The following VPS13D variants were observed in gnomAD, a reference collection of about 807,000 sequenced individuals.
VPS13D encodes the protein vacuolar protein sorting 13 homolog D.
VPS13D carries 187 observed loss-of-function variants against 461.9 expected under a neutral mutation model. The observed-to-expected ratio is 0.40, with a 90% CI of 0.36 to 0.46. The LOEUF (loss-of-function observed/expected upper bound fraction) is 0.46, where lower values mean the gene tolerates loss of function less well. Among genes scored for constraint, VPS13D ranks in the 20% least tolerant of loss-of-function variants. The probability of loss-of-function intolerance (pLI) is 0.60; values close to 1 mark genes in which losing one functional copy is unlikely to be tolerated. For missense variants in VPS13D, 4,711 were observed against 5,364.9 expected, an observed-to-expected ratio of 0.88 and a Z score of 3.81; for synonymous variants, 1,951 against 1,986.3, an observed-to-expected ratio of 0.98 and a Z score of 0.47.
chr1:12,268,676 C>G lies in VPS13D; in HGVS notation c.1802-30C>G, dbSNP rs1385341994. On this transcript the variant is annotated intron_variant, in intron 15 of 69. Coordinates refer to ENST00000620676, the MANE Select transcript of VPS13D (RefSeq NM_015378.4). ...ATAAGGCTATAGTTTTTGCCTTGTTCCGTGTTCTTATTCCTGTTCTTTCCT... is the reference window on the plus strand; with the variant it reads ...ATAAGGCTATAGTTTTTGCCTTGTTGCGTGTTCTTATTCCTGTTCTTTCCT... The G allele has an allele frequency of 6.3e-6, 10 of 1,598,662 alleles. No individual in the cohort carries two copies. The Admixed American group carries it at 1.3e-4, about 20-fold the overall frequency.
chr1:12,458,022 A>G (rs1457422739), intron 66 of VPS13D, among the ~76,000 whole-genome samples: 2 of 152,194 alleles, frequency 1.3e-5, no homozygotes, highest in Admixed American at 6.5e-5. Flanking sequence ...TGGAGAGAGC[A>G]TGGCTCTCCT....
At chr1:12,328,385 A>G (rs1257233964) in intron 36 of VPS13D, among the ~76,000 whole-genome samples, 1 of 147,430 alleles carries the variant, frequency 6.8e-6, no homozygotes, top group African/African-American at 2.5e-5. Flanking sequence ...TTTACCTCAA[A>G]GGTGAGGTCT....
chr1:12,333,541 C>A (rs1005422790), intron 38 of VPS13D, among the ~76,000 whole-genome samples, 175 bp downstream of exon 38: 3 of 152,216 alleles, frequency 2.0e-5, no homozygotes, highest in African/African-American at 7.2e-5. Flanking sequence ...CCTGTTTCTC[C>A]ACCGTTGGCA....
chr1:12,355,838 C>G, intron 47 of VPS13D, 61 bp from the exon 48 acceptor site: 1 of 1,433,292 alleles, frequency 7.0e-7, no homozygotes, highest in African/African-American at 1.4e-5. Flanking sequence ...TTTACTTTTG[C>G]TGTGAGCTAT....
intron 65 of VPS13D, among the ~76,000 whole-genome samples, chr1:12,452,662 G>A (rs1297819507): frequency 6.6e-6 from 1 of 152,238 alleles, no homozygotes; most frequent in African/African-American, 2.4e-5. Context: ...TCCTCAGAGT[G>A]CAGTGAACTG....
chr1:12,253,861 G>T, intron 7 of VPS13D, 35 bp downstream of exon 7: 1 of 1,577,498 alleles, frequency 6.3e-7, no homozygotes, highest in Non-Finnish European at 8.7e-7. Context: ...TTGCAAGACA[G>T]CATGGAAGGG....
chr1:12,509,116 G>A lies in VPS13D; in HGVS notation c.*92G>A, dbSNP rs964780986. Reference sequence around the variant, plus strand: ...CTCAGCTGACGATGGAGGCAGAACCGGAGTCGGGTTTGGGGAAGTTGTCAA... The same window carrying A: ...CTCAGCTGACGATGGAGGCAGAACCAGAGTCGGGTTTGGGGAAGTTGTCAA... On this transcript the variant is annotated 3_prime_UTR_variant, in exon 70 of 70. Transcript: ENST00000620676. 14 of 1,454,578 alleles carry A rather than the reference G, an allele frequency of 9.6e-6. No homozygotes were observed. Among genetic ancestry groups the A allele is most frequent in the South Asian group, 1.5e-5 (1 of 64,546 alleles). 90.1% of individuals were successfully genotyped at this position (1,454,578 alleles called of 1,614,324 possible). A position where few individuals can be genotyped will look rare whatever the true frequency, so the allele number is the denominator to read the frequency against.
rs1308004039 is a variant in VPS13D at position 12,299,580 on chromosome 1, G to A, written c.6216+196G>A. 6.6e-6 allele frequency among the ~76,000 whole-genome samples: 1 copy of A among 152,100 alleles called. No individual in the cohort carries two copies. Among genetic ancestry groups the A allele is most frequent in the African/African-American group, 2.4e-5 (1 of 41,400 alleles). On this transcript the variant is annotated intron_variant, in intron 25 of 69. Coordinates refer to ENST00000620676, the MANE Select transcript of VPS13D (RefSeq NM_015378.4). The surrounding 1 kb of genome is among the most constrained non-coding windows in gnomAD (Gnocchi z 4.2). ...GAGGTAGTGTAAATTATAACTCTTA[G>A]TAAATGTAGGTAGTAGAATTTTTTT...
intron 55 of VPS13D, among the ~76,000 whole-genome samples, chr1:12,376,448 C>A (rs559011747): frequency 6.6e-6 from 1 of 152,286 alleles, no homozygotes; most frequent in South Asian, 2.1e-4. Flanking sequence ...AATAACACAA[C>A]AAACATTTAT....
In VPS13D at chr1:12,363,078, G is replaced by A. The variant is rs375370647; in HGVS notation, c.10279G>A (p.Ala3427Thr). The change falls in exon 52 of 70, where the codon GCC becomes ACC. Residue 3427 changes from alanine (A) to threonine (T), a missense_variant. Ala to Thr is a moderately conservative substitution (Grantham distance 58). This residue lies in a region of VPS13D where 4,411 missense variants were observed against 4,937.8 expected (regional missense o/e 0.89). Transcript: ENST00000620676. ...GTGATCCTATGTGTTTTAGGGAACA[G>A]CCAATCCCGAAGGTTACATTTCCAC... is the stretch of plus-strand genomic sequence containing the variant. ...QREFARGQGT[A>T]NPEGYISTLP... 1.2e-6 allele frequency: 2 copies of A among 1,614,116 alleles called. No individual in the cohort carries two copies. The highest frequency in any genetic ancestry group is 2.7e-5 in the African/African-American group (2 of 75,052).
intron 60 of VPS13D, among the ~76,000 whole-genome samples, chr1:12,392,479 A>C (rs988672315): frequency 1.5e-4 from 23 of 149,470 alleles, no homozygotes; most frequent in Non-Finnish European, 2.4e-4. Context: ...GACTCTCTCA[A>C]AAAAAAAAAG....
At chr1:12,316,681 A>G (rs1289941289) in intron 30 of VPS13D, among the ~76,000 whole-genome samples, 1 of 152,234 alleles carries the variant, frequency 6.6e-6, no homozygotes, top group Non-Finnish European at 1.5e-5. Flanking sequence ...AGCCTCAGAA[A>G]TATTTCCAAG....
At chr1:12,355,753 A>G (rs1238194134) in intron 47 of VPS13D, 146 bp from the exon 48 acceptor site, 3 of 780,956 alleles carry the variant, frequency 3.8e-6, no homozygotes, top group Non-Finnish European at 5.7e-6. Flanking sequence ...TACCCTAGCT[A>G]GAGAGAAAGA....
chr1:12,271,989 C>T (rs1018786007), intron 17 of VPS13D, among the ~76,000 whole-genome samples: 1 of 151,336 alleles, frequency 6.6e-6, no homozygotes, highest in African/African-American at 2.4e-5. Context: ...CTCAGGAGTT[C>T]GAGACCAGCC....
chr1:12,289,168 A>C (rs1029623098), intron 22 of VPS13D, among the ~76,000 whole-genome samples: 1 of 150,874 alleles, frequency 6.6e-6, no homozygotes, highest in Non-Finnish European at 1.5e-5. Flanking sequence ...GGACTTTGTA[A>C]GTTAAAATTC....
chr1:12,397,192 G>A (rs879271825), intron 60 of VPS13D, among the ~76,000 whole-genome samples: 8 of 152,068 alleles, frequency 5.3e-5, no homozygotes, highest in African/African-American at 1.2e-4. Context: ...CCTTGGCCTC[G>A]CAGAGTGCTG....
intron 16 of VPS13D, 119 bp downstream of exon 16, chr1:12,268,995 A>C: frequency 8.5e-7 from 1 of 1,175,340 alleles, no homozygotes. Flanking sequence ...AGGCCTGCAG[A>C]GTAAGTCAAT....
intron 62 of VPS13D, among the ~76,000 whole-genome samples, chr1:12,402,118 C>T (rs1037040824): frequency 6.6e-6 from 1 of 152,162 alleles, no homozygotes; most frequent in Non-Finnish European, 1.5e-5. Flanking sequence ...TTTGGCAGTT[C>T]CTTTGGTTTA....
intron 63 of VPS13D, among the ~76,000 whole-genome samples, chr1:12,411,881 C>T (rs1040196168): frequency 6.6e-6 from 1 of 152,314 alleles, no homozygotes; most frequent in African/African-American, 2.4e-5. Flanking sequence ...AGCTTCTTCA[C>T]GTGGTGGAAG....
Sources: allele counts gnomAD v4.1 joint callset (sites outside exome capture counted in the v4.1 genomes callset), GRCh38; gene constraint gnomAD v4.1.1; regional missense constraint gnomAD v4.1.1; non-coding constraint Gnocchi (gnomAD v3.1); transcripts MANE v1.5; gene names NCBI Gene and HGNC (gene_info 2026-07-23, HGNC 2026-07-21).